ADGRL2: variants seen among roughly 807,000 people sequenced by gnomAD.
ADGRL2 encodes calcium-independent alpha-latrotoxin receptor 2.
A neutral mutation model predicts 157.4 loss-of-function variants in ADGRL2; 44 were observed. That is an observed-to-expected ratio of 0.28 (90% CI 0.22 to 0.36). The LOEUF is 0.36. ADGRL2 is among the 10% of genes least tolerant of loss of function. ADGRL2 has a pLI of 1.00. For missense variants in ADGRL2, 1,510 were observed against 1,768.9 expected (o/e 0.85, Z 2.63); for synonymous variants, 585 against 624.7 (o/e 0.94, Z 0.95).
At chr1:81,512,424 C>T (rs77327714) in intron 2 of ADGRL2, among the ~76,000 whole-genome samples, 2,545 of 152,242 alleles carry the variant, frequency 0.017, 38 homozygotes, top group East Asian at 0.052. Flanking sequence ...ATTTTAGTAA[C>T]GTCAGCAGTT....
rs548387999 is a variant in ADGRL2, at chr1:81,414,661, A to G, written c.-301-30375A>G. Among the ~76,000 whole-genome samples the G allele has an allele frequency of 1.2e-4, 19 of 152,200 alleles. No individual in the cohort carries two copies. The East Asian group carries it at 3.5e-3, about 28-fold the overall frequency. Reference sequence around the variant, plus strand: ...TCTCCGAACGTGCTCTTTGGAGGATATTACTTTGCTTGAAGGAAATGTCTT... The same window carrying G: ...TCTCCGAACGTGCTCTTTGGAGGATGTTACTTTGCTTGAAGGAAATGTCTT... On this transcript the variant is annotated intron_variant, in intron 1 of 24. Coordinates refer to the ADGRL2 transcript ENST00000370721.
intron 1 of ADGRL2, among the ~76,000 whole-genome samples, chr1:81,438,392 C>T (rs2077447506): frequency 6.6e-6 from 1 of 152,044 alleles, no homozygotes; most frequent in Non-Finnish European, 1.5e-5. Context: ...TCATCACTTC[C>T]TAATTATTCT....
intron 2 of ADGRL2, among the ~76,000 whole-genome samples, chr1:81,512,961 C>A (rs1482677549): frequency 6.6e-6 from 1 of 151,812 alleles, no homozygotes; most frequent in African/African-American, 2.4e-5. Flanking sequence ...TAGCAAATAT[C>A]TTTCAAGCCA....
intron 2 of ADGRL2, among the ~76,000 whole-genome samples, chr1:81,518,715 G>T (rs991073830): frequency 6.6e-6 from 1 of 151,772 alleles, no homozygotes; most frequent in Non-Finnish European, 1.5e-5. Context: ...TGGCATTTAG[G>T]CTTGGCGTTG....
At chr1:81,372,685 G>T (rs1003604065) in intron 1 of ADGRL2, among the ~76,000 whole-genome samples, 3 of 152,062 alleles carry the variant, frequency 2.0e-5, no homozygotes, top group Non-Finnish European at 2.9e-5. Context: ...TTTAATAATT[G>T]ACTTTGTCAT....
At chr1:81,860,385 C>A (rs1222272248) in intron 2 of ADGRL2, among the ~76,000 whole-genome samples, 1 of 151,780 alleles carries the variant, frequency 6.6e-6, no homozygotes, top group East Asian at 1.9e-4. Context: ...CTATGTTGCC[C>A]AAGCTTGTTT....
At chr1:81,966,366 G>T in intron 12 of ADGRL2, 38 bp from the exon 13 acceptor site, 1 of 1,583,168 alleles carries the variant, frequency 6.3e-7, no homozygotes, top group Non-Finnish European at 8.7e-7. Flanking sequence ...TAACAAGCAT[G>T]TTTTTTGTAC....
intron 1 of ADGRL2, among the ~76,000 whole-genome samples, chr1:81,399,622 ATTTCT>A (rs1304442849): frequency 6.6e-6 from 1 of 151,990 alleles, no homozygotes; most frequent in African/African-American, 2.4e-5. Context: ...CAGCTGCACA[ATTTCT>A]GTTTGGTTCT....
At chr1:81,611,951 CTT>C (rs1027462625) in intron 3 of ADGRL2, among the ~76,000 whole-genome samples, 27 of 152,156 alleles carry the variant, frequency 1.8e-4, no homozygotes, top group African/African-American at 5.1e-4. Context: ...CTCTCTCTCT[CTT>C]GTCTGCTGCC....
At chr1:81,847,209 T>G (rs958886833) in intron 2 of ADGRL2, among the ~76,000 whole-genome samples, 1 of 151,888 alleles carries the variant, frequency 6.6e-6, no homozygotes, top group African/African-American at 2.4e-5. Context: ...TGCTGGGCTT[T>G]AAACATCTTA....
intron 1 of ADGRL2, among the ~76,000 whole-genome samples, chr1:81,421,444 A>G (rs1432648216): frequency 6.6e-6 from 1 of 152,222 alleles, no homozygotes; most frequent in African/African-American, 2.4e-5. Flanking sequence ...AATAATCTCA[A>G]GTGGCAATGA....
At chr1:81,314,047 A>C (rs1267752327) in intron 1 of ADGRL2, among the ~76,000 whole-genome samples, 1 of 152,242 alleles carries the variant, frequency 6.6e-6, no homozygotes. Flanking sequence ...TGTATTAGGC[A>C]GTGCAAAATG....
intron 2 of ADGRL2, among the ~76,000 whole-genome samples, chr1:81,579,694 A>G (rs1386021162): frequency 1.3e-5 from 2 of 152,128 alleles, no homozygotes; most frequent in African/African-American, 4.8e-5. Context: ...ATCATAACCC[A>G]TAAATAAAAT....
intron 1 of ADGRL2, among the ~76,000 whole-genome samples, chr1:81,383,676 A>G (rs1252778032): frequency 6.8e-6 from 1 of 147,568 alleles, no homozygotes; most frequent in African/African-American, 2.6e-5. Flanking sequence ...AAAAAAAAAA[A>G]AGAAGGCCGG....
At chr1:81,794,667 T>C (rs757116833) in intron 2 of ADGRL2, among the ~76,000 whole-genome samples, 18 of 152,306 alleles carry the variant, frequency 1.2e-4, no homozygotes, top group Non-Finnish European at 1.5e-4. Flanking sequence ...GAAAGAAAAC[T>C]GATTCTTTTC....
chr1:81,993,079 ATATATATATTT>A lies in ADGRL2; in HGVS notation c.*1936_*1946del, dbSNP rs1664864132. On this transcript the variant is annotated 3_prime_UTR_variant, in exon 24 of 24. Transcript: ENST00000686636. ...TATACATATATATATATATATATAT[ATATATATATTT>A]TTTTTTTTTTTTTTTTTTTTTTTTT... Among the ~76,000 whole-genome samples the A allele has an allele frequency of 3.6e-5, 1 of 27,514 alleles. No homozygotes were observed. The highest frequency in any genetic ancestry group is 1.7e-4 in the African/African-American group (1 of 5,878). The allele number at this position is 27,514 out of a possible 152,430, so 18.1% of individuals were successfully genotyped here.
At position 81,981,974 on chromosome 1, in the gene ADGRL2, AAAGT is replaced by A; in HGVS notation, c.3282+5_3282+8del. 6.2e-7 allele frequency: 1 copy of A among 1,610,626 alleles called. No homozygotes were observed. Among genetic ancestry groups the A allele is most frequent in the Non-Finnish European group, 8.5e-7 (1 of 1,178,206 alleles). ...CATCTTTCACTGTGCTCTCCAAAAGAAAGTAAGTAATTGAAAACACCTAGGGGCT... is the reference window on the plus strand; with the variant it reads ...CATCTTTCACTGTGCTCTCCAAAAGAAAGTAATTGAAAACACCTAGGGGCT... On this transcript the variant is annotated splice_donor_variant and coding_sequence_variant, in exon 19 of 24. Coordinates refer to ENST00000686636, the MANE Select transcript of ADGRL2 (RefSeq NM_001366006.2). LOFTEE classifies it high-confidence loss of function.
chr1:81,658,724 C>G lies in ADGRL2; in HGVS notation c.-143+77744C>G, dbSNP rs745745805. On this transcript the variant is annotated intron_variant, in intron 3 of 24. Coordinates refer to the ADGRL2 transcript ENST00000370721. ...ATTTTTAATTCCTACTGTTAATATG[C>G]AACTAGCTCTATTGAATGCCTGCTA... 2.0e-5 allele frequency among the ~76,000 whole-genome samples: 3 copies of G among 152,116 alleles called. No individual in the cohort carries two copies. In the South Asian group the frequency reaches 6.2e-4, roughly 32 times the overall value.
intron 2 of ADGRL2, among the ~76,000 whole-genome samples, chr1:81,519,501 G>A (rs535086214): frequency 6.6e-6 from 1 of 152,214 alleles, no homozygotes; most frequent in East Asian, 1.9e-4. Flanking sequence ...CTAATTTAAA[G>A]TTATATATAA....
Sources: gnomAD v4.1 joint callset for allele counts (sites outside exome capture counted in the v4.1 genomes callset) on GRCh38, gnomAD v4.1.1 for gene constraint, MANE v1.5 for transcripts, NCBI Gene and HGNC (gene_info 2026-07-23, HGNC 2026-07-21) for gene names.